PHF14: variants seen among roughly 807,000 people sequenced by gnomAD.
PHF14 encodes the protein PHD finger protein 14.
In PHF14, 55 loss-of-function variants were observed where a neutral mutation model predicts 117.9. The observed-to-expected ratio is 0.47, with a 90% CI of 0.38 to 0.58. The LOEUF is 0.58. Ranked by LOEUF, PHF14 falls within the 20% of genes least tolerant of loss-of-function variation. PHF14 has a pLI of 0.00. For synonymous variants in PHF14, 409 were observed against 368.6 expected (o/e 1.11, Z -1.26); for missense variants, 978 against 1,122.2 (o/e 0.87, Z 1.84).
chr7:11,103,493 A>G (rs1787159214), intron 16 of PHF14: 1 of 984,388 alleles, frequency 1.0e-6, no homozygotes, highest in Admixed American at 6.2e-5. Flanking sequence ...AGCTTTAATG[A>G]TCCAGTTTTA....
At chr7:11,059,184 G>A (rs1785121705) in intron 14 of PHF14, among the ~76,000 whole-genome samples, 1 of 152,064 alleles carries the variant, frequency 6.6e-6, no homozygotes, top group African/African-American at 2.4e-5. Context: ...TATGAAGAGA[G>A]TTTCAATTGA....
chr7:11,009,819 C>G (rs577053180), intron 4 of PHF14, among the ~76,000 whole-genome samples: 2 of 152,186 alleles, frequency 1.3e-5, no homozygotes, highest in African/African-American at 4.8e-5. Flanking sequence ...GTTCTTTGAG[C>G]TTGCACAACA....
chr7:11,075,231 A>G (rs1785787474), intron 16 of PHF14, among the ~76,000 whole-genome samples: 1 of 152,030 alleles, frequency 6.6e-6, no homozygotes. Flanking sequence ...GGGCCACTGC[A>G]CCTGGCCTTT....
chr7:10,977,389 T>C (rs1165496708), intron 2 of PHF14, among the ~76,000 whole-genome samples: 3 of 152,178 alleles, frequency 2.0e-5, no homozygotes, highest in Non-Finnish European at 4.4e-5. Context: ...ATTCCGTGGA[T>C]CAATTTCTTC....
At chr7:11,136,497 A>G (rs1000675404) in intron 17 of PHF14, among the ~76,000 whole-genome samples, 2 of 152,212 alleles carry the variant, frequency 1.3e-5, no homozygotes, top group South Asian at 2.1e-4. Context: ...ATTCACAAGT[A>G]AAAACTGAAT....
Position 11,042,817 on chromosome 7 carries a change from G to T in PHF14, c.2312+3G>T, listed in dbSNP as rs1784540986. 1 of 1,552,546 alleles carries T rather than the reference G, an allele frequency of 6.4e-7. No individual in the cohort carries two copies. The highest frequency in any genetic ancestry group is 2.3e-5 in the East Asian group (1 of 43,232). On this transcript the variant is annotated splice_donor_region_variant and intron_variant, in intron 13 of 17. Coordinates refer to ENST00000634607, the MANE Select transcript of PHF14 (RefSeq NM_001007157.2). ...AGAAAGACCAAAAACAGTTATTGGT[G>T]AGTAAAATAGAGGAGATTTAGATGT...
chr7:11,047,281 A>G (rs1213165864), intron 13 of PHF14, among the ~76,000 whole-genome samples: 2 of 151,622 alleles, frequency 1.3e-5, no homozygotes, highest in Admixed American at 6.6e-5. Flanking sequence ...TGTTAGCCAG[A>G]ATGGTCTCGA....
intron 17 of PHF14, among the ~76,000 whole-genome samples, chr7:11,116,629 T>C (rs946599094): frequency 6.6e-6 from 1 of 151,868 alleles, no homozygotes; most frequent in Non-Finnish European, 1.5e-5. Context: ...CCTGCCCACA[T>C]GGATACCTAC....
chr7:11,163,363 T>C (rs1291041411), intron 17 of PHF14, among the ~76,000 whole-genome samples: 2 of 152,228 alleles, frequency 1.3e-5, no homozygotes, highest in African/African-American at 4.8e-5. Flanking sequence ...CATGGCTCAC[T>C]AAAGTTGGAA....
intron 16 of PHF14, among the ~76,000 whole-genome samples, chr7:11,074,365 C>T (rs893028296): frequency 6.6e-6 from 1 of 151,964 alleles, no homozygotes; most frequent in African/African-American, 2.4e-5. Flanking sequence ...CGCCTGCCAC[C>T]ACGCCCAGCT....
intron 2 of PHF14, among the ~76,000 whole-genome samples, chr7:10,976,270 A>C (rs1331814862): frequency 6.6e-6 from 1 of 152,156 alleles, no homozygotes; most frequent in African/African-American, 2.4e-5. Context: ...TTTGCTTCTC[A>C]GCTCTTTATC....
At position 11,099,465 on chromosome 7, in the gene PHF14, C is replaced by T. The variant is rs138419229; in HGVS notation, c.2655-11885C>T. Among the ~76,000 whole-genome samples, 1,250 of 152,122 alleles carry T rather than the reference C, an allele frequency of 8.2e-3. 9 individuals carry two copies. The highest frequency in any genetic ancestry group is 0.027 in the Middle Eastern group (8 of 294). On this transcript the variant is annotated intron_variant, in intron 16 of 17. Transcript: ENST00000634607. ...AGTGAAGTGTGGTATTTCTGGGGTA[C>T]ACAATTTTAGAGTAATAAACATAAT...
At chr7:11,005,787 CTTTTTTT>C (rs951270672) in intron 4 of PHF14, among the ~76,000 whole-genome samples, 15 of 84,470 alleles carry the variant, frequency 1.8e-4, no homozygotes, top group Non-Finnish European at 2.2e-4. Flanking sequence ...AGTAAAAATT[CTTTTTTT>C]TTTTTTTTTT....
chr7:10,993,214 AATT>A lies in PHF14; in HGVS notation c.1045+2386_1045+2388del, dbSNP rs909049372. On this transcript the variant is annotated intron_variant, in intron 4 of 17. Coordinates refer to ENST00000634607, the MANE Select transcript of PHF14 (RefSeq NM_001007157.2). The stretch of plus-strand genomic sequence containing the variant: ...GTAAAGTTATTTTTTCTTACCAATT[AATT>A]ATTATTATTATTATTATTTTTTAAT... Among the ~76,000 whole-genome samples, 173 of 151,678 alleles carry A rather than the reference AATT, an allele frequency of 1.1e-3. 1 individual carries two copies. The highest frequency in any genetic ancestry group is 3.8e-3 in the African/African-American group (158 of 41,368).
intron 4 of PHF14, among the ~76,000 whole-genome samples, chr7:11,004,851 C>G (rs151225571): frequency 0.013 from 1,911 of 151,930 alleles, 43 homozygotes; most frequent in East Asian, 0.1. Flanking sequence ...GCTTGGTCAA[C>G]ATGGTGAAAT....
intron 6 of PHF14, among the ~76,000 whole-genome samples, chr7:11,027,065 A>G (rs945702677): frequency 3.9e-5 from 6 of 152,062 alleles, no homozygotes; most frequent in Non-Finnish European, 5.9e-5. Flanking sequence ...TCTTTGATAG[A>G]TTGTTTTATA....
At chr7:11,166,763 C>A (rs1789212748) in intron 17 of PHF14, among the ~76,000 whole-genome samples, 1 of 152,090 alleles carries the variant, frequency 6.6e-6, no homozygotes, top group African/African-American at 2.4e-5. Context: ...AAGAGATTGG[C>A]TCTTATTTGT....
At chr7:11,075,671 A>G (rs1342016962) in intron 16 of PHF14, among the ~76,000 whole-genome samples, 1 of 150,024 alleles carries the variant, frequency 6.7e-6, no homozygotes, top group East Asian at 2.0e-4. Flanking sequence ...TGGAAGTCAC[A>G]TTTCAACCTG....
chr7:11,138,889 C>A (rs1437203588), intron 17 of PHF14, among the ~76,000 whole-genome samples: 1 of 151,130 alleles, frequency 6.6e-6, no homozygotes, highest in Non-Finnish European at 1.5e-5. Flanking sequence ...TATCTGAATA[C>A]CAGCAGATGG....
Sources: gnomAD v4.1 joint callset for allele counts (sites outside exome capture counted in the v4.1 genomes callset) on GRCh38, gnomAD v4.1.1 for gene constraint, MANE v1.5 for transcripts, NCBI Gene and HGNC (gene_info 2026-07-23, HGNC 2026-07-21) for gene names.